CFAP299: variants seen among roughly 807,000 people sequenced by gnomAD.
CFAP299 encodes cilia- and flagella-associated protein 299.
CFAP299 carries 21 observed loss-of-function variants against 27.0 expected under a neutral mutation model. The observed-to-expected ratio is 0.78, with a 90% CI of 0.55 to 1.12. The LOEUF is 1.12. Among genes scored for constraint, CFAP299 ranks in the 50% most tolerant of loss-of-function variants. CFAP299 has a pLI of 0.00. For synonymous variants in CFAP299, 104 were observed against 98.1 expected (o/e 1.06, Z -0.36); for missense variants, 310 against 276.6 (o/e 1.12, Z -0.86).
intron 2 of CFAP299, among the ~76,000 whole-genome samples, chr4:80,491,756 A>G (rs1166325791): frequency 6.6e-6 from 1 of 152,200 alleles, no homozygotes; most frequent in Non-Finnish European, 1.5e-5. Context: ...TGGCCATAAC[A>G]TTATGAGACA....
At chr4:80,639,168 A>G (rs536424737) in intron 3 of CFAP299, among the ~76,000 whole-genome samples, 20 of 152,314 alleles carry the variant, frequency 1.3e-4, no homozygotes, top group African/African-American at 3.8e-4. Flanking sequence ...AATTTATTCC[A>G]TAACCCAGGT....
At chr4:80,765,870 T>C (rs2110080728) in intron 3 of CFAP299, among the ~76,000 whole-genome samples, 1 of 152,190 alleles carries the variant, frequency 6.6e-6, no homozygotes, top group Non-Finnish European at 1.5e-5. Flanking sequence ...ATAAATTACC[T>C]AGAATGCAAT....
intron 2 of CFAP299, among the ~76,000 whole-genome samples, chr4:80,546,045 T>C (rs746666881): frequency 1.5e-4 from 23 of 152,144 alleles, no homozygotes; most frequent in Middle Eastern, 3.4e-3. Context: ...TTTGGTAAAA[T>C]TCATCCCTCA....
chr4:80,911,605 G>GA (rs1056627629), intron 4 of CFAP299, among the ~76,000 whole-genome samples: 1 of 151,996 alleles, frequency 6.6e-6, no homozygotes, highest in African/African-American at 2.4e-5. Flanking sequence ...AGAGTGTTAA[G>GA]AAAAAATCTG....
chr4:80,852,761 G>A (rs956421118), intron 3 of CFAP299, among the ~76,000 whole-genome samples: 5 of 152,020 alleles, frequency 3.3e-5, no homozygotes, highest in Non-Finnish European at 5.9e-5. Context: ...TATTGAAAAT[G>A]CTCTTGATGA....
At chr4:80,444,284 C>T (rs1384588445) in intron 2 of CFAP299, among the ~76,000 whole-genome samples, 1 of 152,130 alleles carries the variant, frequency 6.6e-6, no homozygotes, top group African/African-American at 2.4e-5. Context: ...AACTATACTA[C>T]AAGGCTACAG....
At chr4:80,504,551 G>T (rs1348919949) in intron 2 of CFAP299, among the ~76,000 whole-genome samples, 1 of 125,768 alleles carries the variant, frequency 8.0e-6, no homozygotes, top group Non-Finnish European at 1.6e-5. Context: ...AAATTTCCTC[G>T]GGAGAAAAAA....
At chr4:80,550,705 CTA>C (rs143069123) in intron 2 of CFAP299, among the ~76,000 whole-genome samples, 13 of 149,456 alleles carry the variant, frequency 8.7e-5, no homozygotes, top group African/African-American at 1.5e-4. Context: ...CAGGGAGTAG[CTA>C]TATATATATA....
At chr4:80,708,301 T>C (rs758087845) in intron 3 of CFAP299, among the ~76,000 whole-genome samples, 1 of 152,090 alleles carries the variant, frequency 6.6e-6, no homozygotes, top group Non-Finnish European at 1.5e-5. Flanking sequence ...CTTTGTTTCT[T>C]TGCAGACCAC....
At chr4:80,591,365 C>T (rs1194852535) in intron 3 of CFAP299, among the ~76,000 whole-genome samples, 1 of 151,768 alleles carries the variant, frequency 6.6e-6, no homozygotes, top group Non-Finnish European at 1.5e-5. Flanking sequence ...CCTCGTGATC[C>T]GCCCGCCTCG....
chr4:80,418,672 T>C (rs765829747), intron 2 of CFAP299, among the ~76,000 whole-genome samples: 3 of 152,192 alleles, frequency 2.0e-5, no homozygotes, highest in Non-Finnish European at 4.4e-5. Flanking sequence ...GAGCGTCTTG[T>C]AAGCACCATT....
At chr4:80,764,111 T>C (rs538982140) in intron 3 of CFAP299, among the ~76,000 whole-genome samples, 1 of 152,184 alleles carries the variant, frequency 6.6e-6, no homozygotes, top group Non-Finnish European at 1.5e-5. Context: ...TGGGATCTAA[T>C]TAAAGTAAAG....
chr4:80,489,465 G>C lies in CFAP299; in HGVS notation c.243-93628G>C, dbSNP rs559865567. Among the ~76,000 whole-genome samples, 29 of 120,886 alleles carry C rather than the reference G, an allele frequency of 2.4e-4. No individual in the cohort carries two copies. The South Asian group carries it at 7.9e-3, about 33-fold the overall frequency. 79.3% of individuals were successfully genotyped at this position (120,886 alleles called of 152,430 possible). On this transcript the variant is annotated intron_variant, in intron 2 of 5. Transcript: ENST00000358105. ...TTCAACTTTGGTTAGGATCACAGAA[G>C]ACGAGATAATATGGAAAACAACAAA...
At chr4:80,673,047 G>A (rs541201947) in intron 3 of CFAP299, among the ~76,000 whole-genome samples, 147 of 151,598 alleles carry the variant, frequency 9.7e-4, no homozygotes, top group African/African-American at 3.3e-3. Context: ...CTTGCCTTCT[G>A]CTAGCTTTTG....
chr4:80,890,587 G>T (rs1236957877), intron 4 of CFAP299, among the ~76,000 whole-genome samples: 3 of 149,730 alleles, frequency 2.0e-5, no homozygotes, highest in African/African-American at 7.4e-5. Context: ...GTAATGGGAT[G>T]GCTGGGTCAA....
At chr4:80,840,870 C>T (rs1360614726) in intron 3 of CFAP299, among the ~76,000 whole-genome samples, 2 of 152,056 alleles carry the variant, frequency 1.3e-5, no homozygotes, top group African/African-American at 4.8e-5. Flanking sequence ...AGTCCCACCT[C>T]CTTTCTTTTA....
chr4:80,838,222 C>T (rs1224682509), intron 3 of CFAP299, among the ~76,000 whole-genome samples: 1 of 152,150 alleles, frequency 6.6e-6, no homozygotes, highest in Non-Finnish European at 1.5e-5. Context: ...TGCCTGTTCA[C>T]TCTGATGATA....
At chr4:80,887,753 A>G (rs549950316) in intron 4 of CFAP299, among the ~76,000 whole-genome samples, 2 of 152,280 alleles carry the variant, frequency 1.3e-5, no homozygotes, top group South Asian at 4.1e-4. Flanking sequence ...CTAATTAACC[A>G]TGAAAACTAC....
At chr4:80,826,953 A>C (rs13122174) in intron 3 of CFAP299, among the ~76,000 whole-genome samples, 1 of 151,850 alleles carries the variant, frequency 6.6e-6, no homozygotes, top group African/African-American at 2.4e-5. Context: ...CACATTCTTA[A>C]ACCACCAATG....
Sources: gnomAD v4.1 joint callset for allele counts (sites outside exome capture counted in the v4.1 genomes callset) on GRCh38, gnomAD v4.1.1 for gene constraint, MANE v1.5 for transcripts, NCBI Gene and HGNC (gene_info 2026-07-23, HGNC 2026-07-21) for gene names.